Variants in LYN observed in about 807,000 individuals in gnomAD.
LYN encodes the protein LYN proto-oncogene, Src family tyrosine kinase.
LYN carries 12 observed loss-of-function variants against 65.0 expected under a neutral mutation model. The ratio of observed to expected loss-of-function variants is 0.18; its 90% confidence interval spans 0.12 to 0.30. The LOEUF (loss-of-function observed/expected upper bound fraction) is 0.30. Among genes scored for constraint, LYN ranks in the 10% least tolerant of loss-of-function variants. The pLI, the probability that LYN is intolerant of heterozygous loss-of-function variation, is 1.00. For synonymous variants in LYN, 222 were observed against 221.2 expected (o/e 1.00, Z -0.03); for missense variants, 380 against 623.2 (o/e 0.61, Z 4.16).
At chr8:55,971,988 C>T (rs769376347) in intron 10 of LYN, among the ~76,000 whole-genome samples, 31 of 152,186 alleles carry the variant, frequency 2.0e-4, no homozygotes, top group Middle Eastern at 3.4e-3. Flanking sequence ...GGGGCTGAGC[C>T]CCCTCGGTGA....
chr8:55,974,006 TG>T (rs1273325454), intron 10 of LYN, among the ~76,000 whole-genome samples: 1 of 152,226 alleles, frequency 6.6e-6, no homozygotes, highest in Non-Finnish European at 1.5e-5. Context: ...TAGCTTCTTC[TG>T]GTTGATACAG....
At chr8:55,920,746 A>C in intron 1 of LYN, among the ~76,000 whole-genome samples, 1 of 151,638 alleles carries the variant, frequency 6.6e-6, no homozygotes. Flanking sequence ...ATCTTGGCTC[A>C]CTGCAAGCTC....
chr8:55,997,891 T>C (rs976749073), intron 10 of LYN, among the ~76,000 whole-genome samples: 1 of 152,136 alleles, frequency 6.6e-6, no homozygotes, highest in East Asian at 1.9e-4. Flanking sequence ...GAGACCATCC[T>C]GGCTAACATG....
At chr8:55,890,355 G>A (rs1286191759) in intron 1 of LYN, among the ~76,000 whole-genome samples, 2 of 151,920 alleles carry the variant, frequency 1.3e-5, no homozygotes, top group Non-Finnish European at 2.9e-5. Context: ...GCTTAGGATG[G>A]CTACTATAAA....
intron 12 of LYN, among the ~76,000 whole-genome samples, chr8:56,003,504 A>G (rs191933795): frequency 3.7e-4 from 56 of 152,230 alleles, no homozygotes; most frequent in Non-Finnish European, 7.4e-4. Flanking sequence ...GTCTCTACAA[A>G]AAATACAAAA....
intron 1 of LYN, among the ~76,000 whole-genome samples, chr8:55,935,063 T>TGACGCCCACACCATGGAGGC (rs1730979092): frequency 6.6e-6 from 1 of 152,000 alleles, no homozygotes; most frequent in African/African-American, 2.4e-5. Context: ...AGCCTAGAGG[T>TGACGCCCACACCATGGAGGC]GACGCCCACA....
chr8:55,901,454 C>A (rs1157599038), intron 1 of LYN, among the ~76,000 whole-genome samples: 2 of 152,146 alleles, frequency 1.3e-5, no homozygotes, highest in Non-Finnish European at 2.9e-5. Flanking sequence ...AGGCTTTAGA[C>A]TCCTTCTTGG....
At chr8:55,933,995 A>G (rs926767432) in intron 1 of LYN, among the ~76,000 whole-genome samples, 4 of 152,212 alleles carry the variant, frequency 2.6e-5, no homozygotes, top group African/African-American at 9.6e-5. Context: ...TGGGAGGCCA[A>G]GGCGGGCGGA....
chr8:55,900,299 T>C (rs1259427665), intron 1 of LYN, among the ~76,000 whole-genome samples: 1 of 152,238 alleles, frequency 6.6e-6, no homozygotes, highest in African/African-American at 2.4e-5. Context: ...CTGCATTAAC[T>C]TCAGCTGACA....
At chr8:55,896,875 G>A (rs1360805969) in intron 1 of LYN, among the ~76,000 whole-genome samples, 3 of 152,124 alleles carry the variant, frequency 2.0e-5, no homozygotes, top group Non-Finnish European at 2.9e-5. Context: ...GAGTTGCTGG[G>A]ACTACAGGTG....
Position 55,950,506 on chromosome 8 carries a change from G to T in LYN, c.332G>T (p.Gly111Val). 6.2e-7 allele frequency: 1 copy of T among 1,613,796 alleles called. No homozygotes were observed. The highest frequency in any genetic ancestry group is 1.1e-5 in the South Asian group (1 of 90,978). ...AAGTCCCTTTTAACAAAAAAAGAAG[G>T]CTTCATCCCCAGCAACTATGTGGCC... The part of the protein sequence containing the change: ...KAKSLLTKKE[G>V]FIPSNYVAKL... The change falls in exon 5 of 13, where the codon GGC becomes GTC. Residue 111 changes from glycine (G) to valine (V), a missense_variant. By Grantham distance (109) the Gly-to-Val change is moderately radical. This residue lies in a region of LYN where 157 missense variants were observed against 193.2 expected (regional missense o/e 0.81). Transcript: ENST00000519728.
intron 2 of LYN, among the ~76,000 whole-genome samples, chr8:55,943,714 A>C (rs1462559108): frequency 6.6e-6 from 1 of 152,142 alleles, no homozygotes; most frequent in Admixed American, 6.6e-5. Context: ...ATTACCCTGA[A>C]GGTAGGAAAT....
rs185773069 is a variant in LYN, at chr8:55,960,828, A to G, written c.791-5887A>G. Among the ~76,000 whole-genome samples, 510 of 152,252 alleles carry G rather than the reference A, an allele frequency of 3.3e-3. 2 individuals carry two copies. The highest frequency in any genetic ancestry group is 5.8e-3 in the Non-Finnish European group (395 of 68,006). ...GAAATGCAGTGAACAAATACTAGGAAGTGACCTGTTCTTTGGGGGAAGGGG... is the reference window on the plus strand; with the variant it reads ...GAAATGCAGTGAACAAATACTAGGAGGTGACCTGTTCTTTGGGGGAAGGGG... On this transcript the variant is annotated intron_variant, in intron 8 of 12. Transcript: ENST00000519728.
intron 12 of LYN, among the ~76,000 whole-genome samples, chr8:56,001,337 G>A (rs780605113): frequency 1.3e-5 from 2 of 152,218 alleles, no homozygotes; most frequent in African/African-American, 2.4e-5. Context: ...GGGGGTTAGA[G>A]TGGCTCAGGG....
chr8:55,881,851 C>G (rs1445587679), intron 1 of LYN, among the ~76,000 whole-genome samples: 1 of 152,134 alleles, frequency 6.6e-6, no homozygotes, highest in Non-Finnish European at 1.5e-5. Context: ...TCTGTCTTGT[C>G]CAAAATGATA....
At chr8:55,916,748 A>G (rs1020544430) in intron 1 of LYN, among the ~76,000 whole-genome samples, 1 of 152,232 alleles carries the variant, frequency 6.6e-6, no homozygotes, top group African/African-American at 2.4e-5. Flanking sequence ...CCCCATGCCC[A>G]ATACTGCAAT....
chr8:55,928,320 A>G (rs779431755), intron 1 of LYN, among the ~76,000 whole-genome samples: 3 of 152,002 alleles, frequency 2.0e-5, no homozygotes, highest in Non-Finnish European at 2.9e-5. Flanking sequence ...TAGTTTTTGT[A>G]TTTTTAGTAG....
chr8:55,922,292 G>T (rs1805967090), intron 1 of LYN, among the ~76,000 whole-genome samples: 1 of 151,958 alleles, frequency 6.6e-6, no homozygotes, highest in African/African-American at 2.4e-5. Flanking sequence ...GTCTCACTGT[G>T]TTACCCAGAC....
At chr8:55,978,713 G>T (rs1178829938) in intron 10 of LYN, among the ~76,000 whole-genome samples, 1 of 152,224 alleles carries the variant, frequency 6.6e-6, no homozygotes, top group East Asian at 1.9e-4. Context: ...AGGTGGGGTT[G>T]CAGCGCAGGC....
Sources: allele counts gnomAD v4.1 joint callset (sites outside exome capture counted in the v4.1 genomes callset), GRCh38; gene constraint gnomAD v4.1.1; regional missense constraint gnomAD v4.1.1; transcripts MANE v1.5; gene names NCBI Gene and HGNC (gene_info 2026-07-23, HGNC 2026-07-21).